Variants in KCNH1 observed in about 807,000 individuals in gnomAD.
The protein encoded by KCNH1 is potassium voltage-gated channel subfamily H member 1, also known as voltage-gated delayed rectifier potassium channel KCNH1.
Under a neutral mutation model 69.2 loss-of-function variants are expected in KCNH1, and 27 were observed. The ratio of observed to expected loss-of-function variants is 0.39; its 90% CI spans 0.29 to 0.54. The LOEUF is 0.54. Ranked by LOEUF, KCNH1 falls within the 20% of genes least tolerant of loss-of-function variation. KCNH1 has a pLI of 0.68. For synonymous variants in KCNH1, 456 were observed against 487.7 expected (o/e 0.93, Z 0.86); for missense variants, 798 against 1,261.6 (o/e 0.63, Z 5.57).
chr1:210,703,451 T>G (rs958305042), intron 10 of KCNH1, among the ~76,000 whole-genome samples: 5 of 152,240 alleles, frequency 3.3e-5, no homozygotes, highest in Non-Finnish European at 4.4e-5. Flanking sequence ...CCCTTTTGGA[T>G]ATCAGATTTC....
intron 10 of KCNH1, among the ~76,000 whole-genome samples, chr1:210,768,418 C>T (rs1006315804): frequency 5.9e-5 from 9 of 152,198 alleles, no homozygotes; most frequent in Admixed American, 3.9e-4. Flanking sequence ...CTAGTACCTC[C>T]ATATGATTAT....
At chr1:210,982,210 G>A (rs1357385364) in intron 6 of KCNH1, among the ~76,000 whole-genome samples, 1 of 138,344 alleles carries the variant, frequency 7.2e-6, no homozygotes, top group African/African-American at 2.8e-5. Flanking sequence ...CGAAAAGGAT[G>A]CGAGAATACT....
intron 7 of KCNH1, among the ~76,000 whole-genome samples, chr1:210,886,732 C>T (rs1359791826): frequency 6.6e-6 from 1 of 151,862 alleles, no homozygotes; most frequent in Non-Finnish European, 1.5e-5. Context: ...AAACACACCA[C>T]GAGAACTTCG....
At chr1:210,774,236 T>A (rs1447165775) in intron 10 of KCNH1, among the ~76,000 whole-genome samples, 1 of 152,084 alleles carries the variant, frequency 6.6e-6, no homozygotes, top group African/African-American at 2.4e-5. Context: ...AAGGAAGCAC[T>A]CCACTGAGGG....
chr1:211,029,652 A>G (rs560152087), intron 5 of KCNH1, among the ~76,000 whole-genome samples: 3 of 152,294 alleles, frequency 2.0e-5, no homozygotes, highest in Non-Finnish European at 4.4e-5. Context: ...ACAAGGCAAA[A>G]TATCAGCTCT....
At chr1:211,038,761 G>C (rs1457360693) in intron 5 of KCNH1, among the ~76,000 whole-genome samples, 1 of 152,152 alleles carries the variant, frequency 6.6e-6, no homozygotes, top group Non-Finnish European at 1.5e-5. Flanking sequence ...AGATGATTTA[G>C]GGTATCTGGG....
intron 6 of KCNH1, among the ~76,000 whole-genome samples, chr1:210,936,450 G>A (rs1019668787): frequency 6.6e-6 from 1 of 152,114 alleles, no homozygotes; most frequent in Non-Finnish European, 1.5e-5. Flanking sequence ...GACTTTTCAA[G>A]CTCCACACTT....
At chr1:210,869,579 A>G (rs1294497594) in intron 7 of KCNH1, among the ~76,000 whole-genome samples, 1 of 150,578 alleles carries the variant, frequency 6.6e-6, no homozygotes, top group Admixed American at 6.7e-5. Flanking sequence ...TTGCGCCTTC[A>G]TATTGTTGAA....
chr1:211,129,608 CA>C (rs1227981300), intron 1 of KCNH1, among the ~76,000 whole-genome samples: 1 of 152,012 alleles, frequency 6.6e-6, no homozygotes, highest in Non-Finnish European at 1.5e-5. Context: ...GAATATTTTA[CA>C]AGAAAAAACA....
At chr1:210,846,192 C>T (rs1165130209) in intron 7 of KCNH1, among the ~76,000 whole-genome samples, 1 of 152,314 alleles carries the variant, frequency 6.6e-6, no homozygotes, top group African/African-American at 2.4e-5. Context: ...CGCCATCAAG[C>T]TACCAATGAC....
chr1:211,021,640 G>T (rs1192318445), intron 5 of KCNH1, among the ~76,000 whole-genome samples: 6 of 151,538 alleles, frequency 4.0e-5, no homozygotes, highest in African/African-American at 1.5e-4. Context: ...AACGTTGCAG[G>T]ATACAAAACT....
intron 5 of KCNH1, among the ~76,000 whole-genome samples, chr1:211,067,380 C>A (rs890948927): frequency 6.6e-6 from 1 of 152,202 alleles, no homozygotes; most frequent in Non-Finnish European, 1.5e-5. Context: ...CACCCACCCA[C>A]GACAAAGCAA....
At chr1:211,039,079 C>G (rs1689947742) in intron 5 of KCNH1, among the ~76,000 whole-genome samples, 1 of 152,146 alleles carries the variant, frequency 6.6e-6, no homozygotes, top group South Asian at 2.1e-4. Flanking sequence ...TGGGCTGGGC[C>G]CAGGGTCCCT....
chr1:211,027,011 A>C (rs1338126143), intron 5 of KCNH1, among the ~76,000 whole-genome samples: 2 of 152,184 alleles, frequency 1.3e-5, no homozygotes, highest in African/African-American at 4.8e-5. Flanking sequence ...TTTAAATAAG[A>C]TCCAGAGACT....
At chr1:210,993,772 T>C (rs1462022960) in intron 6 of KCNH1, among the ~76,000 whole-genome samples, 1 of 152,176 alleles carries the variant, frequency 6.6e-6, no homozygotes, top group African/African-American at 2.4e-5. Context: ...GTAGCAAACC[T>C]AAGGCTAAAC....
chr1:210,890,645 T>C (rs1302461809), intron 7 of KCNH1, among the ~76,000 whole-genome samples: 3 of 151,558 alleles, frequency 2.0e-5, no homozygotes, highest in Non-Finnish European at 2.9e-5. Context: ...AATCTATCCA[T>C]CTGACAAACG....
At chr1:210,925,953 C>G (rs913070318) in intron 6 of KCNH1, among the ~76,000 whole-genome samples, 1 of 152,150 alleles carries the variant, frequency 6.6e-6, no homozygotes, top group African/African-American at 2.4e-5. Context: ...GGCTGGAGGC[C>G]AACCAACACA....
At position 210,948,473 on chromosome 1, in the gene KCNH1, C is replaced by T. The variant is rs545813188; in HGVS notation, c.1033-28404G>A. On this transcript the variant is annotated intron_variant, in intron 6 of 10. Transcript: ENST00000271751. The stretch of plus-strand genomic sequence containing the variant: ...AGGGCCAGACATCAGGCTTTGCTGG[C>T]CATACAGTCTCTGTCACAACTACTC... 4.3e-4 allele frequency among the ~76,000 whole-genome samples: 66 copies of T among 152,142 alleles called. 1 individual carries two copies. The highest frequency in any genetic ancestry group is 1.5e-3 in the African/African-American group (62 of 41,496).
intron 6 of KCNH1, among the ~76,000 whole-genome samples, chr1:210,991,364 C>A (rs1389298400): frequency 1.3e-5 from 2 of 152,034 alleles, no homozygotes; most frequent in Non-Finnish European, 2.9e-5. Flanking sequence ...CACAGAAAGA[C>A]AAATACTGCA....
Sources: gnomAD v4.1 joint callset for allele counts (sites outside exome capture counted in the v4.1 genomes callset) on GRCh38, gnomAD v4.1.1 for gene constraint, MANE v1.5 for transcripts, NCBI Gene and HGNC (gene_info 2026-07-23, HGNC 2026-07-21) for gene names.